HSPA9: variants seen among roughly 807,000 people sequenced by gnomAD.
HSPA9 encodes stress-70 protein, mitochondrial.
In HSPA9, 28 loss-of-function variants were observed where a neutral mutation model predicts 81.5. The observed-to-expected ratio is 0.34, with a 90% CI of 0.25 to 0.47. HSPA9 has a LOEUF of 0.47. Ranked by LOEUF, HSPA9 falls within the 20% of genes least tolerant of loss-of-function variation. HSPA9 has a pLI of 1.00. For synonymous variants in HSPA9, 293 were observed against 290.4 expected, an observed-to-expected ratio of 1.01 and a Z score of -0.09; for missense variants, 678 against 838.0, an observed-to-expected ratio of 0.81 and a Z score of 2.36.
In HSPA9 at chr5:138,554,815, G is replaced by T. The variant is rs1235815327; in HGVS notation, c.*1222C>A. 2 of 152,194 alleles carry T rather than the reference G, an allele frequency of 1.3e-5. No individual in the cohort carries two copies. Among genetic ancestry groups the T allele is most frequent in the African/African-American group, 4.8e-5 (2 of 41,458 alleles). The allele number at this position is 152,194 out of a possible 1,614,324, so 9.4% of individuals were successfully genotyped here. A position where few individuals can be genotyped will look rare whatever the true frequency, so the allele number is the denominator to read the frequency against. ...CTTTCTGCTCAGGTTGTCAGCACAT[G>T]ATAATTATTAGAACTACATCAGAGA... On this transcript the variant is annotated 3_prime_UTR_variant, in exon 17 of 17. Transcript: ENST00000297185.
chr5:138,557,226 A>C, intron 14 of HSPA9, 176 bp downstream of exon 14: 5 of 653,232 alleles, frequency 7.7e-6, no homozygotes, highest in East Asian at 2.7e-5. Flanking sequence ...GAGCCTCCCA[A>C]GTAGCTGGGA....
chr5:138,574,955 T>C (rs1327321289), intron 1 of HSPA9: 2 of 555,544 alleles, frequency 3.6e-6, no homozygotes, highest in African/African-American at 1.9e-5. Flanking sequence ...AGGCCAAACC[T>C]TTCCATTCAG....
rs755882622 is a variant in HSPA9 at position 138,566,617 on chromosome 5, G to A, written c.972+9C>T. 5.0e-6 allele frequency: 8 copies of A among 1,591,976 alleles called. 1 individual carries two copies. The highest frequency in any genetic ancestry group is 4.4e-5 in the South Asian group (4 of 90,502). On this transcript the variant is annotated intron_variant, in intron 9 of 16. Coordinates refer to ENST00000297185, the MANE Select transcript of HSPA9 (RefSeq NM_004134.7). Reference sequence around the variant, plus strand: ...TCCATCAAGACTGCTCGAATTTTCCGTGTCTCACCTGCACAGATGAGGAGA... The same window carrying A: ...TCCATCAAGACTGCTCGAATTTTCCATGTCTCACCTGCACAGATGAGGAGA...
chr5:138,567,500 G>A lies in HSPA9; in HGVS notation c.671C>T (p.Thr224Ile), dbSNP rs775220927. ...TAGACCATAGGCAAGAGCAGCAGCTGTGGGCTCATTAATCACCCGAAGCAC... is the reference window on the plus strand; with the variant it reads ...TAGACCATAGGCAAGAGCAGCAGCTATGGGCTCATTAATCACCCGAAGCAC... ...LNVLRVINEP[T>I]AAALAYGLDK... The change falls in exon 7 of 17, where the codon ACA (threonine) becomes ATA (isoleucine). Residue 224 changes from threonine (T) to isoleucine (I), a missense_variant. Thr to Ile is a moderately conservative substitution (Grantham distance 89, BLOSUM62 -1). Transcript: ENST00000297185. The A allele has an allele frequency of 6.2e-7, 1 of 1,614,080 alleles. No individual in the cohort carries two copies. Among genetic ancestry groups the A allele is most frequent in the Non-Finnish European group, 8.5e-7 (1 of 1,179,916 alleles).
At chr5:138,562,500 G>A (rs1298171761) in intron 9 of HSPA9, among the ~76,000 whole-genome samples, 2 of 151,900 alleles carry the variant, frequency 1.3e-5, no homozygotes, top group African/African-American at 2.4e-5. Flanking sequence ...GCGGTGAGCC[G>A]AGATTGTGCC....
intron 9 of HSPA9, among the ~76,000 whole-genome samples, chr5:138,564,403 C>A (rs1750719909): frequency 6.6e-6 from 1 of 152,214 alleles, no homozygotes; most frequent in Non-Finnish European, 1.5e-5. Flanking sequence ...TGCGTGCGGC[C>A]CCTTCTTAGA....
chr5:138,557,202 C>G (rs921833675), intron 14 of HSPA9, 200 bp downstream of exon 14: 11 of 627,768 alleles, frequency 1.8e-5, no homozygotes, highest in African/African-American at 5.5e-5. Flanking sequence ...CTTGTTCAAG[C>G]GATTCTCCTG....
intron 3 of HSPA9, among the ~76,000 whole-genome samples, 177 bp downstream of exon 3, chr5:138,573,586 G>A (rs1410844611): frequency 7.0e-6 from 1 of 143,642 alleles, no homozygotes; most frequent in Non-Finnish European, 1.5e-5. Context: ...GGCAGAGGTT[G>A]CAGTGAGCGG....
At chr5:138,566,430 A>G (rs763630737) in intron 9 of HSPA9, among the ~76,000 whole-genome samples, 196 bp downstream of exon 9, 15 of 152,124 alleles carry the variant, frequency 9.9e-5, no homozygotes, top group Admixed American at 2.6e-4. Flanking sequence ...GGCTAAAAAA[A>G]TTTCAGCTCA....
intron 9 of HSPA9, among the ~76,000 whole-genome samples, chr5:138,566,321 C>A (rs1012612427): frequency 6.6e-6 from 1 of 151,552 alleles, no homozygotes; most frequent in Admixed American, 6.6e-5. Context: ...ACTGCCAGAG[C>A]AGGTTTTAAA....
At position 138,554,707 on chromosome 5, in the gene HSPA9, A is replaced by G. The variant is rs569604681; in HGVS notation, c.*1330T>C. On this transcript the variant is annotated 3_prime_UTR_variant, in exon 17 of 17. Coordinates refer to ENST00000297185, the MANE Select transcript of HSPA9 (RefSeq NM_004134.7). ...GATAACAGACTCTTTTGAACATGGC[A>G]TATGACATTCATCCATGAAACATAA... 3.9e-5 allele frequency among the ~76,000 whole-genome samples: 6 copies of G among 152,356 alleles called. No homozygotes were observed. The East Asian group carries it at 1.2e-3, about 29-fold the overall frequency.
chr5:138,565,743 C>A (rs186564644), intron 9 of HSPA9, among the ~76,000 whole-genome samples: 175 of 152,278 alleles, frequency 1.1e-3, no homozygotes, highest in Admixed American at 2.2e-3. Flanking sequence ...GACACAGGGT[C>A]TCATTTGTCA....
chr5:138,573,595 G>A (rs927785586), intron 3 of HSPA9, among the ~76,000 whole-genome samples, 168 bp downstream of exon 3: 10 of 135,816 alleles, frequency 7.4e-5, no homozygotes, highest in South Asian at 2.3e-4. Flanking sequence ...TGCAGTGAGC[G>A]GAGACCGTGC....
Position 138,566,818 on chromosome 5 carries a change from T to C in HSPA9, c.880-100A>G, listed in dbSNP as rs182862595. The C allele has an allele frequency of 9.0e-6, 10 of 1,108,322 alleles. No homozygotes were observed. The East Asian group carries it at 2.3e-4, about 26-fold the overall frequency. 68.7% of individuals were successfully genotyped at this position (1,108,322 alleles called of 1,614,324 possible). ...ACAACACAAAATGGAGTCATACCTT[T>C]ATATATAAGCATGAATTACTTTTTA... On this transcript the variant is annotated intron_variant, in intron 8 of 16. Transcript: ENST00000297185.
chr5:138,566,752 G>T (rs545277867), intron 8 of HSPA9, 34 bp from the exon 9 acceptor site: 1 of 1,487,850 alleles, frequency 6.7e-7, no homozygotes, highest in Non-Finnish European at 9.4e-7. Context: ...CCAAACACCA[G>T]CATTAGTGAG....
At chr5:138,571,616 G>A (rs1750892271) in intron 3 of HSPA9, among the ~76,000 whole-genome samples, 1 of 151,936 alleles carries the variant, frequency 6.6e-6, no homozygotes, top group Non-Finnish European at 1.5e-5. Flanking sequence ...ATTTAGTTAA[G>A]GTATCTTTAG....
chr5:138,567,396 AAATT>A, intron 7 of HSPA9, 55 bp downstream of exon 7: 2 of 1,351,842 alleles, frequency 1.5e-6, no homozygotes, highest in Non-Finnish European at 2.1e-6. Context: ...AATTACTAAA[AAATT>A]AAGTGACACT....
chr5:138,566,423 T>C (rs1237245681), intron 9 of HSPA9, among the ~76,000 whole-genome samples: 1 of 152,006 alleles, frequency 6.6e-6, no homozygotes, highest in African/African-American at 2.4e-5. Flanking sequence ...TTTGAGTGGC[T>C]AAAAAAATTT....
chr5:138,567,907 G>T (rs187772326), intron 5 of HSPA9, among the ~76,000 whole-genome samples, 185 bp from the exon 6 acceptor site: 2 of 152,104 alleles, frequency 1.3e-5, no homozygotes, highest in Non-Finnish European at 1.5e-5. Context: ...AGATCAGGCC[G>T]GGCACGGTGG....
Sources: allele counts gnomAD v4.1 joint callset (sites outside exome capture counted in the v4.1 genomes callset), GRCh38; gene constraint gnomAD v4.1.1; transcripts MANE v1.5; gene names NCBI Gene and HGNC (gene_info 2026-07-23, HGNC 2026-07-21).